WDR17: variants seen among roughly 807,000 people sequenced by gnomAD.
The protein encoded by WDR17 is WD repeat-containing protein 17.
A neutral mutation model predicts 161.7 loss-of-function variants in WDR17; 143 were observed. The ratio of observed to expected loss-of-function variants is 0.88; its 90% CI spans 0.77 to 1.02. WDR17 has a LOEUF of 1.02. Among genes scored for constraint, WDR17 ranks in the 50% least tolerant of loss-of-function variants. The probability of loss-of-function intolerance (pLI) is 0.00; values close to 1 mark genes in which losing one functional copy is unlikely to be tolerated. For missense variants in WDR17, 1,469 were observed against 1,520.9 expected, an observed-to-expected ratio of 0.97 and a Z score of 0.57; for synonymous variants, 517 against 515.6, an observed-to-expected ratio of 1.00 and a Z score of -0.04.
At chr4:176,110,602 GATGAGTTTTC>G (rs1739549346) in intron 1 of WDR17, among the ~76,000 whole-genome samples, 1 of 152,088 alleles carries the variant, frequency 6.6e-6, no homozygotes, top group Admixed American at 6.5e-5. Flanking sequence ...ATTTTGTTAT[GATGAGTTTTC>G]ATTATGATCA....
chr4:176,160,180 G>A lies in WDR17; in HGVS notation c.2658+54G>A, dbSNP rs758806017. On this transcript the variant is annotated intron_variant, in intron 19 of 28. Coordinates refer to ENST00000508596, the MANE Select transcript of WDR17 (RefSeq NM_181265.4). ...TACATGAATGCTTGAGCATGTAGAA[G>A]GGAGAAGGTTGTGTTGACTGGCTCA... 5.1e-4 allele frequency: 817 copies of A among 1,597,364 alleles called. 1 individual carries two copies. The highest frequency in any genetic ancestry group is 6.4e-4 in the Non-Finnish European group (754 of 1,170,080).
intron 1 of WDR17, among the ~76,000 whole-genome samples, chr4:176,108,207 A>T (rs1739117200): frequency 2.0e-5 from 3 of 152,142 alleles, no homozygotes; most frequent in African/African-American, 7.2e-5. Context: ...ATTTTATGTT[A>T]TGTGTATTTT....
chr4:176,143,422 C>T lies in WDR17; in HGVS notation c.1529+1353C>T, dbSNP rs147301033. Among the ~76,000 whole-genome samples, 569 of 151,480 alleles carry T rather than the reference C, an allele frequency of 3.8e-3. 3 individuals are homozygous for T. Among genetic ancestry groups the T allele is most frequent in the African/African-American group, 0.013 (518 of 41,290 alleles). On this transcript the variant is annotated intron_variant, in intron 11 of 28. Coordinates refer to ENST00000508596, the MANE Select transcript of WDR17 (RefSeq NM_181265.4). ...GCTCATGCCTCTAATTCAAGCACTTCGGAAGCTGAGGCCAGAGGGTCACTT... is the reference window on the plus strand; with the variant it reads ...GCTCATGCCTCTAATTCAAGCACTTTGGAAGCTGAGGCCAGAGGGTCACTT...
At chr4:176,139,825 A>T in intron 9 of WDR17, 67 bp from the exon 10 acceptor site, 2 of 1,284,502 alleles carry the variant, frequency 1.6e-6, no homozygotes, top group Non-Finnish European at 2.2e-6. Flanking sequence ...ACTTAGAAGA[A>T]GTAAATATAT....
At chr4:176,094,567 T>G (rs1736564360) in intron 1 of WDR17, among the ~76,000 whole-genome samples, 1 of 152,162 alleles carries the variant, frequency 6.6e-6, no homozygotes. Context: ...CAAAAAGCCT[T>G]GAAAACATAG....
At chr4:176,178,562 A>G (rs1250310552) in intron 28 of WDR17, among the ~76,000 whole-genome samples, 1 of 152,128 alleles carries the variant, frequency 6.6e-6, no homozygotes, top group African/African-American at 2.4e-5. Context: ...ATTATCTCAT[A>G]TACACTGAGG....
intron 1 of WDR17, among the ~76,000 whole-genome samples, chr4:176,090,131 G>A (rs114812246): frequency 1.3e-5 from 2 of 152,006 alleles, no homozygotes; most frequent in Non-Finnish European, 2.9e-5. Context: ...GATCCCCCAT[G>A]TTGCAGTTAG....
Position 176,148,224 on chromosome 4 carries a change from G to A in WDR17, c.1786G>A (p.Glu596Lys), listed in dbSNP as rs1166085598. The change falls in exon 13 of 29, where the codon GAG (glutamate) becomes AAG (lysine). Residue 596 changes from glutamate (E) to lysine (K), a missense_variant. Transcript: ENST00000508596. ...TGTGAGAGGATTAATGTGGAATACT[G>A]AGATTCCATATCTGCTCATATCTGG... ...APVRGLMWNT[E>K]IPYLLISGSW... 1 of 1,613,492 alleles carries A rather than the reference G, an allele frequency of 6.2e-7. No individual in the cohort carries two copies. Among genetic ancestry groups the A allele is most frequent in the African/African-American group, 1.3e-5 (1 of 74,890 alleles).
intron 1 of WDR17, among the ~76,000 whole-genome samples, chr4:176,080,096 C>A (rs1734550309): frequency 6.6e-6 from 1 of 151,776 alleles, no homozygotes; most frequent in South Asian, 2.1e-4. Flanking sequence ...GCAGTCAAAC[C>A]ATAGCAGCAG....
At chr4:176,169,626 T>C (rs1372109564) in intron 23 of WDR17, among the ~76,000 whole-genome samples, 1 of 152,238 alleles carries the variant, frequency 6.6e-6, no homozygotes, top group African/African-American at 2.4e-5. Context: ...ATGAAGTTTT[T>C]CACTTATTTG....
chr4:176,144,791 G>C lies in WDR17; in HGVS notation c.1530-1204G>C, dbSNP rs186784840. Among the ~76,000 whole-genome samples the C allele has an allele frequency of 3.3e-5, 5 of 151,896 alleles. No homozygotes were observed. The East Asian group carries it at 9.7e-4, about 29-fold the overall frequency. Reference sequence around the variant, plus strand: ...TGAACATACCAAAGTTTATTTATAAGGTATCTCTGACTGTATAATTTAGAT... The same window carrying C: ...TGAACATACCAAAGTTTATTTATAACGTATCTCTGACTGTATAATTTAGAT... On this transcript the variant is annotated intron_variant, in intron 11 of 28. Coordinates refer to ENST00000508596, the MANE Select transcript of WDR17 (RefSeq NM_181265.4).
chr4:176,068,760 C>T lies in WDR17; in HGVS notation c.-7+2681C>T, dbSNP rs71613773. On this transcript the variant is annotated intron_variant, in intron 1 of 28. Transcript: ENST00000508596. ...GTGCTTTATCCTGTTAAAATAGTAT[C>T]GTGATTATTCTTTCATTGTTGATAA... is the stretch of plus-strand genomic sequence containing the variant. Among the ~76,000 whole-genome samples the T allele has an allele frequency of 9.7e-3, 1,472 of 152,124 alleles. 20 individuals carry two copies. The highest frequency in any genetic ancestry group is 0.011 in the Non-Finnish European group (726 of 67,992).
chr4:176,083,133 C>T (rs905582415), intron 1 of WDR17, among the ~76,000 whole-genome samples: 7 of 151,818 alleles, frequency 4.6e-5, no homozygotes, highest in African/African-American at 7.3e-5. Flanking sequence ...CTGTGGCATA[C>T]GTGGGGCATT....
intron 8 of WDR17, 39 bp from the exon 9 acceptor site, chr4:176,137,481 G>A (rs1340340616): frequency 2.0e-6 from 3 of 1,495,194 alleles, no homozygotes; most frequent in African/African-American, 2.8e-5. Flanking sequence ...ACATTTGTGG[G>A]AAACATTTAG....
intron 1 of WDR17, among the ~76,000 whole-genome samples, chr4:176,091,147 A>T (rs1050972970): frequency 2.6e-5 from 4 of 152,176 alleles, no homozygotes; most frequent in African/African-American, 9.7e-5. Context: ...TATCCTCAGC[A>T]ACCTAATAGA....
chr4:176,121,076 G>T (rs1375322699), intron 4 of WDR17, among the ~76,000 whole-genome samples: 1 of 152,092 alleles, frequency 6.6e-6, no homozygotes, highest in Admixed American at 6.5e-5. Flanking sequence ...TTCTCTCTCA[G>T]CTCTTTGTAC....
rs765811831 is a variant in WDR17, at chr4:176,120,069, T to A, written c.510T>A (p.Ile170=). The change falls in exon 4 of 29, where the codon ATT becomes ATA. Residue 170 remains isoleucine (I), a synonymous_variant. Transcript: ENST00000508596. The part of the protein sequence containing the change: ...HQKGKVVFGH[I]DGSLSIFHPG... ...AGGGGAAAGTTGTGTTTGGTCATAT[T>A]GATGGAAGTCTATCAATTTTTCATC... 8 of 1,613,846 alleles carry A rather than the reference T, an allele frequency of 5.0e-6. No homozygotes were observed. Among genetic ancestry groups the A allele is most frequent in the Middle Eastern group, 1.6e-4 (1 of 6,062 alleles).
At chr4:176,087,975 C>T (rs1378035121) in intron 1 of WDR17, among the ~76,000 whole-genome samples, 4 of 151,924 alleles carry the variant, frequency 2.6e-5, no homozygotes, top group Non-Finnish European at 5.9e-5. Context: ...TTCTGAGTAG[C>T]TGGGACTACA....
chr4:176,099,829 G>A (rs547286676), intron 1 of WDR17, among the ~76,000 whole-genome samples: 1 of 152,084 alleles, frequency 6.6e-6, no homozygotes, highest in East Asian at 1.9e-4. Context: ...AGTTATGAAT[G>A]GGAACATGTG....
Sources: allele counts gnomAD v4.1 joint callset (sites outside exome capture counted in the v4.1 genomes callset), GRCh38; gene constraint gnomAD v4.1.1; transcripts MANE v1.5; gene names NCBI Gene and HGNC (gene_info 2026-07-23, HGNC 2026-07-21).